PPM1B: variants seen among roughly 807,000 people sequenced by gnomAD.
PPM1B encodes the protein protein phosphatase, Mg2+/Mn2+ dependent 1B.
A neutral mutation model predicts 43.0 loss-of-function variants in PPM1B; 22 were observed. The ratio of observed to expected loss-of-function variants is 0.51; its 90% CI spans 0.37 to 0.73. The LOEUF (loss-of-function observed/expected upper bound fraction) is 0.73. Ranked by LOEUF, PPM1B falls within the 30% of genes least tolerant of loss-of-function variation. The pLI is 0.00. For synonymous variants in PPM1B, 217 were observed against 197.9 expected, an observed-to-expected ratio of 1.10 and a Z score of -0.81; for missense variants, 632 against 584.2, an observed-to-expected ratio of 1.08 and a Z score of -0.84.
At chr2:44,211,249 T>C (rs893456992) in intron 3 of PPM1B, among the ~76,000 whole-genome samples, 3 of 152,234 alleles carry the variant, frequency 2.0e-5, no homozygotes, top group Non-Finnish European at 4.4e-5. Flanking sequence ...CAGGATGCAG[T>C]CTAGAGCATG....
At chr2:44,236,241 A>G (rs542774138), downstream of PPM1B, among the ~76,000 whole-genome samples, 4 of 151,784 alleles carry the variant, frequency 2.6e-5, no homozygotes, top group Non-Finnish European at 4.4e-5. Flanking sequence ...CTTAAAAAAT[A>G]AAAATAAAAA....
downstream of PPM1B, among the ~76,000 whole-genome samples, chr2:44,237,100 C>T (rs951997859): frequency 4.6e-5 from 7 of 152,202 alleles, no homozygotes; most frequent in African/African-American, 1.7e-4. Context: ...AAATTCTGTA[C>T]TAGAAAATGC....
At chr2:44,184,007 G>C (rs1403536634) in intron 1 of PPM1B, among the ~76,000 whole-genome samples, 2 of 152,184 alleles carry the variant, frequency 1.3e-5, no homozygotes, top group Non-Finnish European at 2.9e-5. Flanking sequence ...CAAAGTGCTG[G>C]GATTACAGGC....
chr2:44,180,906 G>C (rs925825118), intron 1 of PPM1B, among the ~76,000 whole-genome samples: 1 of 152,012 alleles, frequency 6.6e-6, no homozygotes, highest in African/African-American at 2.4e-5. Context: ...TATAGGAGTG[G>C]TGAGATGGTG....
At chr2:44,190,691 G>A (rs1201593599) in intron 1 of PPM1B, among the ~76,000 whole-genome samples, 1 of 152,122 alleles carries the variant, frequency 6.6e-6, no homozygotes, top group African/African-American at 2.4e-5. Context: ...AAACAGAAGT[G>A]ACATTTATTT....
chr2:44,189,072 A>G (rs924103412), intron 1 of PPM1B, among the ~76,000 whole-genome samples: 1 of 151,732 alleles, frequency 6.6e-6, no homozygotes, highest in Non-Finnish European at 1.5e-5. Flanking sequence ...AGGTTTCACC[A>G]TATTGCCCAG....
In PPM1B at chr2:44,183,782, A is replaced by C. The variant is rs1354093361; in HGVS notation, c.-15+14508A>C. On this transcript the variant is annotated intron_variant, in intron 1 of 5. Transcript: ENST00000282412. ...AAGACAGAGTCTCGCTCAGTCGCCC[A>C]GGCTGGAGTGCAGTGGCGCGATCTC... 2.6e-5 allele frequency among the ~76,000 whole-genome samples: 4 copies of C among 152,010 alleles called. No homozygotes were observed. In the East Asian group the frequency reaches 7.7e-4, roughly 29 times the overall value.
At chr2:44,205,340 TGG>T (rs1163191556) in intron 2 of PPM1B, among the ~76,000 whole-genome samples, 25 of 111,642 alleles carry the variant, frequency 2.2e-4, no homozygotes, top group Admixed American at 8.0e-4. Context: ...AGAGTGGGTG[TGG>T]GTGTGGGTGT....
intron 1 of PPM1B, among the ~76,000 whole-genome samples, chr2:44,171,174 C>G (rs761121876): frequency 1.3e-4 from 20 of 152,182 alleles, no homozygotes; most frequent in Admixed American, 2.0e-4. Context: ...GCTTTCAACA[C>G]CGTTTTCTTA....
At chr2:44,192,848 T>G (rs1483334008) in intron 1 of PPM1B, among the ~76,000 whole-genome samples, 2 of 152,234 alleles carry the variant, frequency 1.3e-5, no homozygotes, top group African/African-American at 2.4e-5. Context: ...TTCTTTTACT[T>G]AGCATAATAT....
chr2:44,230,162 G>A, intron 5 of PPM1B: 1 of 1,431,020 alleles, frequency 7.0e-7, no homozygotes, highest in South Asian at 1.6e-5. Flanking sequence ...GTAAATTTCA[G>A]ATTAAACTTT....
At chr2:44,243,166 A>G (rs1193516915) in intron 5 of PPM1B, among the ~76,000 whole-genome samples, 2 of 152,196 alleles carry the variant, frequency 1.3e-5, no homozygotes, top group African/African-American at 2.4e-5. Context: ...TCTACTCACT[A>G]TGATTGGAGC....
At chr2:44,174,318 A>G (rs1667481913) in intron 1 of PPM1B, among the ~76,000 whole-genome samples, 1 of 152,254 alleles carries the variant, frequency 6.6e-6, no homozygotes, top group Non-Finnish European at 1.5e-5. Flanking sequence ...TCTCATACTT[A>G]GAGGAGACAG....
intron 1 of PPM1B, among the ~76,000 whole-genome samples, chr2:44,191,711 T>C (rs1320594200): frequency 1.3e-5 from 2 of 152,168 alleles, no homozygotes; most frequent in Admixed American, 1.3e-4. Context: ...GGGTGGATAC[T>C]CTATAACCAA....
intron 5 of PPM1B, among the ~76,000 whole-genome samples, chr2:44,229,710 C>T (rs111293162): frequency 2.0e-5 from 3 of 152,090 alleles, no homozygotes; most frequent in Non-Finnish European, 4.4e-5. Flanking sequence ...TTTAGTCTGT[C>T]GGCTTAACTG....
At chr2:44,194,303 G>C (rs1430159321) in intron 1 of PPM1B, among the ~76,000 whole-genome samples, 1 of 152,174 alleles carries the variant, frequency 6.6e-6, no homozygotes, top group African/African-American at 2.4e-5. Context: ...TGGAGACCAA[G>C]CATTTTATGG....
chr2:44,170,151 G>C (rs962464694), intron 1 of PPM1B, among the ~76,000 whole-genome samples: 5 of 152,058 alleles, frequency 3.3e-5, no homozygotes, highest in Non-Finnish European at 7.4e-5. Flanking sequence ...AGCAGATCTG[G>C]GACGTTTGCC....
intron 1 of PPM1B, among the ~76,000 whole-genome samples, chr2:44,195,101 C>T (rs1668598551): frequency 6.6e-6 from 1 of 151,814 alleles, no homozygotes; most frequent in South Asian, 2.1e-4. Flanking sequence ...CCATATTGGC[C>T]AGGCTGATCT....
Position 44,179,702 on chromosome 2 carries a change from T to C in PPM1B, c.-15+10428T>C, listed in dbSNP as rs896570896. Among the ~76,000 whole-genome samples, 10 of 152,274 alleles carry C rather than the reference T, an allele frequency of 6.6e-5. No homozygotes were observed. The South Asian group carries it at 1.9e-3, about 28-fold the overall frequency. On this transcript the variant is annotated intron_variant, in intron 1 of 5. Transcript: ENST00000282412. Reference sequence around the variant, plus strand: ...AGATGTTAGTGTGTCTATAAAATGATGGTGCTAATTAAAGACTTTAACCTG... The same window carrying C: ...AGATGTTAGTGTGTCTATAAAATGACGGTGCTAATTAAAGACTTTAACCTG...
Sources: allele counts gnomAD v4.1 joint callset (sites outside exome capture counted in the v4.1 genomes callset), GRCh38; gene constraint gnomAD v4.1.1; transcripts MANE v1.5; gene names NCBI Gene and HGNC (gene_info 2026-07-23, HGNC 2026-07-21).